SHC3: variants seen among roughly 807,000 people sequenced by gnomAD.
The protein encoded by SHC3 is SHC adaptor protein 3.
A neutral mutation model predicts 60.4 loss-of-function variants in SHC3; 15 were observed. The observed-to-expected ratio is 0.25, with a 90% CI of 0.17 to 0.38. The LOEUF (loss-of-function observed/expected upper bound fraction) is 0.38. SHC3 is among the 10% of genes least tolerant of loss of function. The pLI is 1.00. For missense variants in SHC3, 677 were observed against 786.1 expected (o/e 0.86, Z 1.66); for synonymous variants, 294 against 325.9 (o/e 0.90, Z 1.05).
intron 6 of SHC3, among the ~76,000 whole-genome samples, chr9:89,061,920 G>A (rs897943314): frequency 3.9e-5 from 6 of 152,138 alleles, no homozygotes; most frequent in African/African-American, 1.4e-4. Context: ...GCTATTTGTG[G>A]TTCCAGGCAT....
chr9:89,017,482 T>A (rs1826116949), intron 11 of SHC3, among the ~76,000 whole-genome samples: 1 of 152,168 alleles, frequency 6.6e-6, no homozygotes, highest in Admixed American at 6.5e-5. Flanking sequence ...TCTTACATCT[T>A]ATATAAAAAT....
At chr9:89,061,292 T>C (rs559458695) in intron 6 of SHC3, among the ~76,000 whole-genome samples, 1 of 152,378 alleles carries the variant, frequency 6.6e-6, no homozygotes, top group South Asian at 2.1e-4. Context: ...GAAGCAGTGC[T>C]GTGTTACTTC....
chr9:89,126,985 GA>G (rs1335366663), intron 1 of SHC3, among the ~76,000 whole-genome samples: 1 of 152,114 alleles, frequency 6.6e-6, no homozygotes, highest in Non-Finnish European at 1.5e-5. Context: ...AGGAATTTTG[GA>G]ATTCACATCA....
chr9:89,163,618 T>G, intron 1 of SHC3, among the ~76,000 whole-genome samples: 1 of 130,354 alleles, frequency 7.7e-6, no homozygotes, highest in African/African-American at 2.8e-5. Context: ...GGGGGAGGGA[T>G]AGCATCGGGA....
chr9:89,045,902 AC>A, intron 8 of SHC3, 69 bp from the exon 9 acceptor site: 1 of 1,511,890 alleles, frequency 6.6e-7, no homozygotes, highest in Non-Finnish European at 9.1e-7. Flanking sequence ...TTTGAAAGCC[AC>A]AAGACAGTCG....
chr9:89,123,047 A>T (rs1031030043), intron 1 of SHC3, among the ~76,000 whole-genome samples: 3 of 152,278 alleles, frequency 2.0e-5, no homozygotes, highest in Middle Eastern at 6.8e-3. Flanking sequence ...CAATGCAGCC[A>T]ATCTGCCAGG....
rs183883945 is a variant in SHC3 at position 89,071,761 on chromosome 9, G to A, written c.730-509C>T. On this transcript the variant is annotated intron_variant, in intron 4 of 11. Transcript: ENST00000375835. Reference sequence around the variant, plus strand: ...AAAAAGGCAGACTCTTTTACTATCAGTCCTCACCAGAGGACTCTGGTCATA... The same window carrying A: ...AAAAAGGCAGACTCTTTTACTATCAATCCTCACCAGAGGACTCTGGTCATA... Among the ~76,000 whole-genome samples the A allele has an allele frequency of 1.7e-4, 26 of 152,304 alleles. No individual in the cohort carries two copies. In the East Asian group the frequency reaches 4.8e-3, roughly 28 times the overall value.
chr9:89,158,616 ACTAGATTATT>A (rs1826661579), intron 1 of SHC3, among the ~76,000 whole-genome samples: 1 of 152,208 alleles, frequency 6.6e-6, no homozygotes, highest in African/African-American at 2.4e-5. Flanking sequence ...GGTATCAATT[ACTAGATTATT>A]CTGTCTAGCG....
chr9:89,047,069 C>G lies in SHC3; in HGVS notation c.963-75G>C, dbSNP rs112629985. On this transcript the variant is annotated intron_variant, in intron 7 of 11. Transcript: ENST00000375835. The stretch of plus-strand genomic sequence containing the variant: ...CCAAAATCAACAAATCTAATGTTAG[C>G]GCCTGTTATTAAGAAAAGAGAGTTT... 6.3e-6 allele frequency: 9 copies of G among 1,425,652 alleles called. No homozygotes were observed. The African/African-American group carries it at 1.2e-4, about 18-fold the overall frequency. The allele number at this position is 1,425,652 out of a possible 1,614,324, so 88.3% of individuals were successfully genotyped here.
At chr9:89,077,189 A>C (rs548019086) in intron 3 of SHC3, among the ~76,000 whole-genome samples, 5 of 151,646 alleles carry the variant, frequency 3.3e-5, no homozygotes, top group East Asian at 1.9e-4. Context: ...AAAAACAAAA[A>C]AAAAAACAAA....
In SHC3 at chr9:89,070,988, A is replaced by C. The variant is rs80227762; in HGVS notation, c.783+211T>G. ...GATTTTTGACAGCTTTTGGCTAATG[A>C]AATGAAAACTAATGGTGGGGTCCTT... On this transcript the variant is annotated intron_variant, in intron 5 of 11. Coordinates refer to ENST00000375835, the MANE Select transcript of SHC3 (RefSeq NM_016848.6). 6.8e-3 allele frequency among the ~76,000 whole-genome samples: 1,039 copies of C among 152,296 alleles called. 20 individuals are homozygous for C. The highest frequency in any genetic ancestry group is 0.024 in the African/African-American group (993 of 41,564).
At chr9:89,083,396 G>A (rs1393024866) in intron 2 of SHC3, among the ~76,000 whole-genome samples, 1 of 152,226 alleles carries the variant, frequency 6.6e-6, no homozygotes, top group East Asian at 1.9e-4. Context: ...ACGTGCAGGA[G>A]CGCCAGCTGG....
intron 1 of SHC3, among the ~76,000 whole-genome samples, chr9:89,124,178 A>G (rs1459284752): frequency 6.6e-6 from 1 of 152,190 alleles, no homozygotes; most frequent in African/African-American, 2.4e-5. Context: ...TTCATTAAAA[A>G]GTCTGGAAAC....
chr9:89,047,610 T>C (rs973013116), intron 7 of SHC3, among the ~76,000 whole-genome samples: 20 of 152,274 alleles, frequency 1.3e-4, no homozygotes, highest in African/African-American at 4.8e-4. Flanking sequence ...TCTCCAGAGA[T>C]ACACAAAAAG....
chr9:89,124,456 A>G lies in SHC3; in HGVS notation c.475-11830T>C, dbSNP rs192642063. 3.7e-3 allele frequency among the ~76,000 whole-genome samples: 558 copies of G among 152,358 alleles called. 3 individuals are homozygous for G. Among genetic ancestry groups the G allele is most frequent in the African/African-American group, 0.013 (526 of 41,568 alleles). On this transcript the variant is annotated intron_variant, in intron 1 of 11. Transcript: ENST00000375835. Reference sequence around the variant, plus strand: ...ACCAACCCAAATGCCCATCAATGATACACTGGATAAAGAAAAGTGGCACAT... The same window carrying G: ...ACCAACCCAAATGCCCATCAATGATGCACTGGATAAAGAAAAGTGGCACAT...
chr9:89,105,144 C>T (rs1825839466), intron 2 of SHC3, among the ~76,000 whole-genome samples: 1 of 152,186 alleles, frequency 6.6e-6, no homozygotes, highest in African/African-American at 2.4e-5. Flanking sequence ...CAGTGGTCAG[C>T]AAATCCATCT....
chr9:89,167,460 G>A (rs1421194881), intron 1 of SHC3, among the ~76,000 whole-genome samples: 1 of 152,204 alleles, frequency 6.6e-6, no homozygotes, highest in African/African-American at 2.4e-5. Flanking sequence ...GATCCCATCA[G>A]TCATATGGAT....
At chr9:89,115,712 T>A (rs1826010443) in intron 1 of SHC3, among the ~76,000 whole-genome samples, 1 of 151,966 alleles carries the variant, frequency 6.6e-6, no homozygotes, top group African/African-American at 2.4e-5. Flanking sequence ...CATTGCAGAG[T>A]CATGCAAATA....
intron 1 of SHC3, among the ~76,000 whole-genome samples, chr9:89,141,591 G>A (rs1271292631): frequency 6.6e-6 from 1 of 151,808 alleles, no homozygotes; most frequent in Admixed American, 6.6e-5. Context: ...CCTGTGGGCT[G>A]CACCACAGCC....
Sources: gnomAD v4.1 joint callset for allele counts (sites outside exome capture counted in the v4.1 genomes callset) on GRCh38, gnomAD v4.1.1 for gene constraint, MANE v1.5 for transcripts, NCBI Gene and HGNC (gene_info 2026-07-23, HGNC 2026-07-21) for gene names.